PHF20: variants seen among roughly 807,000 people sequenced by gnomAD.
PHF20 encodes the protein glioma-expressed antigen 2.
PHF20 carries 23 observed loss-of-function variants against 113.5 expected under a neutral mutation model. The observed-to-expected ratio is 0.20, with a 90% confidence interval of 0.15 to 0.29. The LOEUF is 0.29. PHF20 is among the 10% of genes least tolerant of loss of function. The pLI, the probability that PHF20 is intolerant of heterozygous loss-of-function variation, is 1.00. For missense variants in PHF20, 943 were observed against 1,219.6 expected, an observed-to-expected ratio of 0.77 and a Z score of 3.38; for synonymous variants, 434 against 457.3, an observed-to-expected ratio of 0.95 and a Z score of 0.65.
chr20:35,805,104 A>T (rs899463037), intron 2 of PHF20, among the ~76,000 whole-genome samples: 1 of 151,358 alleles, frequency 6.6e-6, no homozygotes, highest in African/African-American at 2.4e-5. Flanking sequence ...GTGTTTCACC[A>T]TGTTGGCCAG....
At chr20:35,791,698 G>A (rs1444316122) in intron 1 of PHF20, among the ~76,000 whole-genome samples, 3 of 151,856 alleles carry the variant, frequency 2.0e-5, no homozygotes, top group Non-Finnish European at 4.4e-5. Context: ...TCTGTCAAGA[G>A]CTGCTGGAGT....
chr20:35,821,058 C>T (rs925370274), intron 2 of PHF20, among the ~76,000 whole-genome samples: 4 of 151,976 alleles, frequency 2.6e-5, no homozygotes, highest in South Asian at 2.1e-4. Context: ...GGGGCCAGAT[C>T]GGCCATAATA....
chr20:35,888,721 T>TC (rs2054785244), intron 9 of PHF20, among the ~76,000 whole-genome samples: 1 of 151,756 alleles, frequency 6.6e-6, no homozygotes, highest in Non-Finnish European at 1.5e-5. Context: ...GAGTTGGAGA[T>TC]CAGCCTTGGG....
chr20:35,937,271 C>G (rs920583194), intron 15 of PHF20, among the ~76,000 whole-genome samples: 3 of 152,014 alleles, frequency 2.0e-5, no homozygotes, highest in Admixed American at 6.6e-5. Context: ...GAGTTCGAGA[C>G]CAGCCTGACC....
chr20:35,813,623 G>T (rs896869889), intron 2 of PHF20, among the ~76,000 whole-genome samples: 2 of 152,146 alleles, frequency 1.3e-5, no homozygotes, highest in Non-Finnish European at 2.9e-5. Flanking sequence ...ACTTTGGGAG[G>T]CCTAGGCAGG....
At chr20:35,848,114 G>C (rs17093143) in intron 4 of PHF20, among the ~76,000 whole-genome samples, 7,401 of 152,210 alleles carry the variant, frequency 0.049, 229 homozygotes, top group African/African-American at 0.099. Context: ...TCTCTGAAGT[G>C]AGTGTTTAGG....
At chr20:35,924,231 G>A (rs548109578) in intron 13 of PHF20, among the ~76,000 whole-genome samples, 2 of 136,276 alleles carry the variant, frequency 1.5e-5, no homozygotes, top group African/African-American at 2.8e-5. Flanking sequence ...TGCTCTTGTC[G>A]CCCAGGCTGG....
chr20:35,883,046 AAAAAG>A (rs1354367955), intron 9 of PHF20, among the ~76,000 whole-genome samples: 1 of 151,452 alleles, frequency 6.6e-6, no homozygotes, highest in Non-Finnish European at 1.5e-5. Context: ...AAAAAAAAGA[AAAAAG>A]AAAAAGAATA....
chr20:35,910,313 T>A (rs559397132), intron 10 of PHF20, among the ~76,000 whole-genome samples: 1 of 152,294 alleles, frequency 6.6e-6, no homozygotes, highest in East Asian at 1.9e-4. Context: ...TTTGGAGTGA[T>A]GGAAATGTTC....
intron 4 of PHF20, among the ~76,000 whole-genome samples, chr20:35,848,617 G>C (rs1324701519): frequency 6.6e-6 from 1 of 152,100 alleles, no homozygotes; most frequent in East Asian, 1.9e-4. Context: ...CCAGCAGTTT[G>C]GGAGGCTCTC....
At chr20:35,841,405 A>T (rs1313379820) in intron 2 of PHF20, among the ~76,000 whole-genome samples, 1 of 152,068 alleles carries the variant, frequency 6.6e-6, no homozygotes, top group Non-Finnish European at 1.5e-5. Flanking sequence ...AGTGTTCTGA[A>T]TCATATAACT....
intron 4 of PHF20, chr20:35,850,861 G>A: frequency 1.7e-6 from 2 of 1,160,412 alleles, no homozygotes; most frequent in South Asian, 2.5e-5. Flanking sequence ...GCCATTGTTT[G>A]CTGAATGCTT....
chr20:35,935,847 C>T (rs1468607953), intron 15 of PHF20, among the ~76,000 whole-genome samples: 1 of 152,220 alleles, frequency 6.6e-6, no homozygotes, highest in Non-Finnish European at 1.5e-5. Context: ...TCTCTGTATT[C>T]ATGGATGGTC....
rs376078467 is a variant in PHF20 at position 35,863,184 on chromosome 20, G to A, written c.592G>A (p.Gly198Arg). ...EKRPKQPDKEGKLICSEKGKV... is the reference protein window; with the variant it reads ...EKRPKQPDKERKLICSEKGKV... Reference sequence around the variant, plus strand: ...GCGACCCAAGCAGCCTGATAAAGAAGGAAAGTTAATCTGTTCTGAAAAGGG... The same window carrying A: ...GCGACCCAAGCAGCCTGATAAAGAAAGAAAGTTAATCTGTTCTGAAAAGGG... Residue 198 changes from glycine to arginine, a missense_variant, in exon 6 of 18, where the codon GGA becomes AGA. This residue lies in a region of PHF20 where 592 missense variants were observed against 787.2 expected (regional missense o/e 0.75). Transcript: ENST00000374012. 1.2e-6 allele frequency: 2 copies of A among 1,613,468 alleles called. No homozygotes were observed. Among genetic ancestry groups the A allele is most frequent in the East Asian group, 4.5e-5 (2 of 44,878 alleles).
At chr20:35,882,038 T>G (rs1186145216) in intron 9 of PHF20, among the ~76,000 whole-genome samples, 1 of 152,268 alleles carries the variant, frequency 6.6e-6, no homozygotes, top group Non-Finnish European at 1.5e-5. Context: ...AATGTCATCT[T>G]GAAATAGAAA....
chr20:35,867,044 T>C (rs1246433806), intron 6 of PHF20, among the ~76,000 whole-genome samples: 2 of 152,312 alleles, frequency 1.3e-5, no homozygotes, highest in East Asian at 3.9e-4. Flanking sequence ...AAGAAGAGTT[T>C]GGGAAACACT....
chr20:35,928,920 A>G (rs1429694120), intron 14 of PHF20, among the ~76,000 whole-genome samples: 2 of 152,168 alleles, frequency 1.3e-5, no homozygotes, highest in Admixed American at 6.6e-5. Context: ...TTCCATGGCT[A>G]TAGGGGTCAC....
intron 10 of PHF20, among the ~76,000 whole-genome samples, chr20:35,910,572 T>TC (rs1326998950): frequency 1.3e-5 from 2 of 151,844 alleles, no homozygotes; most frequent in African/African-American, 2.4e-5. Flanking sequence ...ACCTCTCCCC[T>TC]CCCCCTGAGC....
chr20:35,870,252 C>G (rs919692205), intron 7 of PHF20, among the ~76,000 whole-genome samples: 1 of 142,966 alleles, frequency 7.0e-6, no homozygotes, highest in African/African-American at 2.6e-5. Flanking sequence ...AGCAGTGAGC[C>G]GAGATCGCGC....
Sources: allele counts gnomAD v4.1 joint callset (sites outside exome capture counted in the v4.1 genomes callset), GRCh38; gene constraint gnomAD v4.1.1; regional missense constraint gnomAD v4.1.1; transcripts MANE v1.5; gene names NCBI Gene and HGNC (gene_info 2026-07-23, HGNC 2026-07-21).